GRIP1: variants seen among roughly 807,000 people sequenced by gnomAD.
GRIP1 encodes the protein glutamate receptor-interacting protein 1.
GRIP1 carries 45 observed loss-of-function variants against 129.9 expected under a neutral mutation model. The ratio of observed to expected loss-of-function variants is 0.35; its 90% CI spans 0.27 to 0.44. The LOEUF (loss-of-function observed/expected upper bound fraction) is 0.44. Ranked by LOEUF, GRIP1 falls within the 20% of genes least tolerant of loss-of-function variation. The pLI is 1.00. For missense variants in GRIP1, 1,196 were observed against 1,396.8 expected, an observed-to-expected ratio of 0.86 and a Z score of 2.29; for synonymous variants, 530 against 520.8, an observed-to-expected ratio of 1.02 and a Z score of -0.24.
At chr12:66,447,633 G>C (rs1020705105) in intron 11 of GRIP1, among the ~76,000 whole-genome samples, 1 of 151,566 alleles carries the variant, frequency 6.6e-6, no homozygotes, top group African/African-American at 2.4e-5. Context: ...CCATTTCAAG[G>C]CTAATTCCCC....
chr12:66,866,769 A>C lies in GRIP1; in HGVS notation c.58+202281T>G, dbSNP rs536611097. Among the ~76,000 whole-genome samples the C allele has an allele frequency of 9.9e-5, 15 of 152,278 alleles. No homozygotes were observed. The South Asian group carries it at 1.2e-3, about 13-fold the overall frequency. On this transcript the variant is annotated intron_variant, in intron 1 of 1. Transcript: ENST00000643019. Reference sequence around the variant, plus strand: ...TACTATATAGCCACAAAAATTTAAAAATATATATACTGTACTCTTGAAAAA... The same window carrying C: ...TACTATATAGCCACAAAAATTTAAACATATATATACTGTACTCTTGAAAAA...
chr12:66,660,939 T>C (rs1026585778), intron 1 of GRIP1, among the ~76,000 whole-genome samples: 1 of 152,050 alleles, frequency 6.6e-6, no homozygotes, highest in African/African-American at 2.4e-5. Context: ...TGTATACAAA[T>C]ATATATTATA....
At chr12:66,440,119 C>G (rs1369120602) in intron 13 of GRIP1, among the ~76,000 whole-genome samples, 1 of 152,158 alleles carries the variant, frequency 6.6e-6, no homozygotes. Flanking sequence ...TAAAAGCCAG[C>G]TAAAAATGTA....
intron 7 of GRIP1, among the ~76,000 whole-genome samples, chr12:66,475,029 C>T (rs2059562173): frequency 6.6e-6 from 1 of 152,164 alleles, no homozygotes; most frequent in Non-Finnish European, 1.5e-5. Flanking sequence ...AAGACACAGA[C>T]TGGCAAATTG....
intron 1 of GRIP1, among the ~76,000 whole-genome samples, chr12:66,918,514 A>ACCCCCAACC (rs1300326798): frequency 6.6e-6 from 1 of 152,082 alleles, no homozygotes; most frequent in African/African-American, 2.4e-5. Flanking sequence ...ACAAATGATC[A>ACCCCCAACC]CCCCAACCAA....
At chr12:66,416,546 C>A (rs1005414912) in intron 15 of GRIP1, among the ~76,000 whole-genome samples, 1 of 152,036 alleles carries the variant, frequency 6.6e-6, no homozygotes, top group African/African-American at 2.4e-5. Flanking sequence ...GAAGACCCAA[C>A]TAAATAAAGT....
At chr12:66,511,923 G>T (rs557594309) in intron 7 of GRIP1, among the ~76,000 whole-genome samples, 1 of 152,218 alleles carries the variant, frequency 6.6e-6, no homozygotes, top group East Asian at 1.9e-4. Flanking sequence ...CCCACATGTT[G>T]CTGGAGGGAC....
chr12:66,560,975 C>T (rs926360758), intron 2 of GRIP1, among the ~76,000 whole-genome samples: 1 of 152,112 alleles, frequency 6.6e-6, no homozygotes, highest in Non-Finnish European at 1.5e-5. Context: ...AAATGTGGTA[C>T]ATACACACAA....
In GRIP1 at chr12:66,551,816, A is replaced by G. The variant is rs1294382391; in HGVS notation, c.137-9866T>C. 2.0e-5 allele frequency among the ~76,000 whole-genome samples: 3 copies of G among 152,104 alleles called. No homozygotes were observed. The East Asian group carries it at 5.8e-4, about 29-fold the overall frequency. ...CGGCTGGTTTTGAACTCCTGGGCTC[A>G]AGCGATGGTCCTGCCTCAGCCTACC... On this transcript the variant is annotated intron_variant, in intron 2 of 24. Coordinates refer to ENST00000359742, the MANE Select transcript of GRIP1 (RefSeq NM_001366722.1).
intron 7 of GRIP1, among the ~76,000 whole-genome samples, chr12:66,490,594 A>G (rs1046371112): frequency 1.3e-5 from 2 of 152,220 alleles, no homozygotes; most frequent in Admixed American, 6.5e-5. Context: ...TGAAAATACT[A>G]AAAGCAAAAA....
chr12:66,471,606 A>C (rs1264982368), intron 7 of GRIP1, among the ~76,000 whole-genome samples: 1 of 152,216 alleles, frequency 6.6e-6, no homozygotes, highest in Non-Finnish European at 1.5e-5. Flanking sequence ...AAACATAATC[A>C]ATTATGCAGT....
chr12:66,392,843 G>A (rs753401126), intron 17 of GRIP1, 27 bp from the exon 18 acceptor site: 10 of 1,606,564 alleles, frequency 6.2e-6, no homozygotes, highest in Non-Finnish European at 7.7e-6. Flanking sequence ...TAATAGGAGA[G>A]GTAGAAATAA....
chr12:66,918,515 C>T (rs1055968323), intron 1 of GRIP1, among the ~76,000 whole-genome samples: 1 of 152,162 alleles, frequency 6.6e-6, no homozygotes, highest in Non-Finnish European at 1.5e-5. Context: ...CAAATGATCA[C>T]CCCAACCAAT....
Position 66,419,968 on chromosome 12 carries a change from GC to G in GRIP1, c.1838+751del, listed in dbSNP as rs2057747185. 2.0e-5 allele frequency among the ~76,000 whole-genome samples: 3 copies of G among 152,120 alleles called. No individual in the cohort carries two copies. The South Asian group carries it at 6.2e-4, about 32-fold the overall frequency. ...AAAACTTAGCCGGGCATGGCGGTGT[GC>G]ACCTGTAATCCCAGCTACTTGGGAG... On this transcript the variant is annotated intron_variant, in intron 15 of 24. Transcript: ENST00000359742.
chr12:66,790,139 C>G (rs1228841620), intron 1 of GRIP1, among the ~76,000 whole-genome samples: 1 of 152,050 alleles, frequency 6.6e-6, no homozygotes, highest in Non-Finnish European at 1.5e-5. Flanking sequence ...AAAAATGCAC[C>G]AGCAAGAATA....
intron 1 of GRIP1, among the ~76,000 whole-genome samples, chr12:66,605,844 A>G (rs926375384): frequency 7.9e-5 from 12 of 152,334 alleles, no homozygotes; most frequent in Middle Eastern, 3.4e-3. Context: ...AAGTATTATC[A>G]CCACTGTTTA....
At chr12:66,843,050 C>T (rs1385488504) in intron 1 of GRIP1, among the ~76,000 whole-genome samples, 1 of 151,790 alleles carries the variant, frequency 6.6e-6, no homozygotes, top group Non-Finnish European at 1.5e-5. Context: ...CAAGAAAACA[C>T]CTTAAAAGAA....
intron 1 of GRIP1, among the ~76,000 whole-genome samples, chr12:66,746,425 T>C (rs370064203): frequency 3.9e-5 from 6 of 152,198 alleles, no homozygotes; most frequent in African/African-American, 1.2e-4. Flanking sequence ...GACCTGTTCA[T>C]TCAGAATCTG....
At chr12:66,359,042 G>C (rs1287778070) in intron 23 of GRIP1, among the ~76,000 whole-genome samples, 5 of 152,104 alleles carry the variant, frequency 3.3e-5, no homozygotes, top group Non-Finnish European at 7.3e-5. Context: ...CCTGGGGCAG[G>C]GACCGTCGCC....
Sources: gnomAD v4.1 joint callset for allele counts (sites outside exome capture counted in the v4.1 genomes callset) on GRCh38, gnomAD v4.1.1 for gene constraint, MANE v1.5 for transcripts, NCBI Gene and HGNC (gene_info 2026-07-23, HGNC 2026-07-21) for gene names.